The following GABPB1 variants were observed in gnomAD, a reference collection of about 807,000 sequenced individuals.
GABPB1 encodes the protein GA binding protein transcription factor subunit beta 1, also known as GA-binding protein subunit beta-1.
Under a neutral mutation model 45.9 loss-of-function variants are expected in GABPB1, and 15 were observed. That is an observed-to-expected ratio of 0.33 (90% confidence interval 0.22 to 0.50). The LOEUF (loss-of-function observed/expected upper bound fraction) is 0.50. Ranked by LOEUF, GABPB1 falls within the 20% of genes least tolerant of loss-of-function variation. The pLI is 0.98. For synonymous variants in GABPB1, 143 were observed against 154.4 expected (o/e 0.93, Z 0.55); for missense variants, 252 against 457.5 (o/e 0.55, Z 4.10).
intron 1 of GABPB1, among the ~76,000 whole-genome samples, chr15:50,320,833 G>A (rs1015972294): frequency 2.0e-5 from 3 of 152,144 alleles, no homozygotes; most frequent in Non-Finnish European, 4.4e-5. Flanking sequence ...AAGATACTAT[G>A]CTGTTGGCCT....
chr15:50,305,167 G>C (rs1279886101), intron 2 of GABPB1, among the ~76,000 whole-genome samples: 1 of 152,060 alleles, frequency 6.6e-6, no homozygotes, highest in Non-Finnish European at 1.5e-5. Flanking sequence ...CACATCACTT[G>C]ATATTCCAAA....
At chr15:50,300,746 GA>G in intron 6 of GABPB1, 42 bp downstream of exon 6, 1 of 1,263,008 alleles carries the variant, frequency 7.9e-7, no homozygotes, top group Non-Finnish European at 1.2e-6. Context: ...CACCCAGCCT[GA>G]ATCTGCAATT....
At chr15:50,349,426 A>T (rs1013422625) in intron 1 of GABPB1, 34 of 152,242 alleles carry the variant, frequency 2.2e-4, no homozygotes, top group African/African-American at 8.0e-4. Flanking sequence ...CTTTCCAATC[A>T]TCATGAGCTA....
intron 6 of GABPB1, among the ~76,000 whole-genome samples, chr15:50,299,195 A>C (rs1268598763): frequency 6.6e-6 from 1 of 152,206 alleles, no homozygotes. Context: ...ATGAATGACA[A>C]ATTATTCTTT....
intron 1 of GABPB1, among the ~76,000 whole-genome samples, chr15:50,337,458 G>T (rs1184915838): frequency 6.6e-6 from 1 of 151,906 alleles, no homozygotes; most frequent in Admixed American, 6.6e-5. Context: ...TAAAAGTTTT[G>T]AATCTCAAGC....
At position 50,306,824 on chromosome 15, in the gene GABPB1, T is replaced by C. The variant is rs144036330; in HGVS notation, c.109-2691A>G. 3.8e-3 allele frequency among the ~76,000 whole-genome samples: 580 copies of C among 152,142 alleles called. 7 individuals carry two copies. The highest frequency in any genetic ancestry group is 0.014 in the African/African-American group (565 of 41,506). Reference sequence around the variant, plus strand: ...AACAGAATTATACTGCATGTATTTCTCTGTGACTTGCCTTCTTTTGCTTGA... The same window carrying C: ...AACAGAATTATACTGCATGTATTTCCCTGTGACTTGCCTTCTTTTGCTTGA... On this transcript the variant is annotated intron_variant, in intron 2 of 8. Transcript: ENST00000380877.
chr15:50,291,560 T>C (rs2046342717), intron 6 of GABPB1, among the ~76,000 whole-genome samples: 1 of 150,678 alleles, frequency 6.6e-6, no homozygotes, highest in African/African-American at 2.4e-5. Context: ...ACTCCTGACC[T>C]TGTGATCCGC....
At chr15:50,348,698 C>T (rs1300393868) in intron 1 of GABPB1, among the ~76,000 whole-genome samples, 1 of 151,918 alleles carries the variant, frequency 6.6e-6, no homozygotes, top group East Asian at 2.0e-4. Context: ...CACGTTTCTA[C>T]TAAAAATGCA....
chr15:50,301,357 C>T lies in GABPB1; in HGVS notation c.483G>A (p.Gln161=), dbSNP rs148009490. 249 of 1,610,408 alleles carry T rather than the reference C, an allele frequency of 1.5e-4. 1 individual carries two copies. The African/African-American group carries it at 2.8e-3, about 18-fold the overall frequency. The change falls in exon 5 of 9, where the codon CAG becomes CAA. Residue 161 remains glutamine (Q), a synonymous_variant. Coordinates refer to ENST00000380877, the MANE Select transcript of GABPB1 (RefSeq NM_016654.5). Reference sequence around the variant, plus strand: ...TCTCTGGGTTTGTGTTGATTTGGTTCTGCATAGCAATCTAGGGAAAAAATG... The same window carrying T: ...TCTCTGGGTTTGTGTTGATTTGGTTTTGCATAGCAATCTAGGGAAAAAATG... The part of the protein sequence containing the change: ...DLAEILQIAM[Q]NQINTNPESP...
intron 2 of GABPB1, among the ~76,000 whole-genome samples, chr15:50,305,963 T>G (rs1316930065): frequency 6.6e-6 from 1 of 151,766 alleles, no homozygotes; most frequent in Non-Finnish European, 1.5e-5. Flanking sequence ...TTTTTGTAGC[T>G]TTTTGGGTTT....
At chr15:50,317,920 A>AG (rs992890277) in intron 1 of GABPB1, among the ~76,000 whole-genome samples, 5 of 152,194 alleles carry the variant, frequency 3.3e-5, no homozygotes, top group African/African-American at 1.2e-4. Flanking sequence ...AAAAAAAAAA[A>AG]AAAATTAGTT....
chr15:50,294,189 T>A (rs758636615), intron 6 of GABPB1, among the ~76,000 whole-genome samples: 3 of 152,104 alleles, frequency 2.0e-5, no homozygotes, highest in Admixed American at 6.6e-5. Context: ...CCTAAAAGAT[T>A]GAAAATTCTA....
chr15:50,343,931 T>A (rs568285740), intron 1 of GABPB1, among the ~76,000 whole-genome samples: 1 of 152,338 alleles, frequency 6.6e-6, no homozygotes, highest in East Asian at 1.9e-4. Flanking sequence ...CAATCATCTT[T>A]TATTACCTAC....
In GABPB1 at chr15:50,276,489, C is replaced by CT. The variant is rs1167517563; in HGVS notation, c.*2142dup. 1 of 152,214 alleles carries CT rather than the reference C, an allele frequency of 6.6e-6. No homozygotes were observed. The highest frequency in any genetic ancestry group is 2.4e-5 in the African/African-American group (1 of 41,456). 9.4% of individuals were successfully genotyped at this position (152,214 alleles called of 1,614,324 possible). ...GCTTCCTCCACAGATACCTGAGTACCTGATGCTATCATAGACTTACTCCTT... is the reference window on the plus strand; with the variant it reads ...GCTTCCTCCACAGATACCTGAGTACCTTGATGCTATCATAGACTTACTCCTT... On this transcript the variant is annotated 3_prime_UTR_variant, in exon 9 of 9. Transcript: ENST00000380877.
intron 1 of GABPB1, among the ~76,000 whole-genome samples, chr15:50,314,908 A>G (rs1023719865): frequency 6.6e-6 from 1 of 152,252 alleles, no homozygotes; most frequent in Non-Finnish European, 1.5e-5. Context: ...TGCATCACCA[A>G]TATCACGTAT....
At chr15:50,302,843 A>G (rs2046806733) in intron 4 of GABPB1, 86 bp downstream of exon 4, 1 of 879,116 alleles carries the variant, frequency 1.1e-6, no homozygotes, top group Admixed American at 2.9e-5. Context: ...TACAAACAAT[A>G]GTTTAAATCA....
chr15:50,310,340 G>T (rs1037117191), intron 1 of GABPB1, among the ~76,000 whole-genome samples: 1 of 152,066 alleles, frequency 6.6e-6, no homozygotes, highest in African/African-American at 2.4e-5. Flanking sequence ...TGATCTGCCC[G>T]CCTTGGCCTC....
intron 1 of GABPB1, among the ~76,000 whole-genome samples, chr15:50,332,703 G>C (rs1328412014): frequency 2.0e-5 from 3 of 151,874 alleles, no homozygotes; most frequent in African/African-American, 7.2e-5. Flanking sequence ...AATACATAAG[G>C]ATTCATTATA....
At chr15:50,326,835 TAA>T (rs538288354) in intron 1 of GABPB1, among the ~76,000 whole-genome samples, 1 of 145,180 alleles carries the variant, frequency 6.9e-6, no homozygotes, top group Non-Finnish European at 1.5e-5. Flanking sequence ...CCCCCGTCTT[TAA>T]AAAAAAAAAA....
Sources: gnomAD v4.1 joint callset for allele counts (sites outside exome capture counted in the v4.1 genomes callset) on GRCh38, gnomAD v4.1.1 for gene constraint, MANE v1.5 for transcripts, NCBI Gene and HGNC (gene_info 2026-07-23, HGNC 2026-07-21) for gene names.